The following ZFAND3 variants were observed in gnomAD, a reference collection of about 807,000 sequenced individuals.
ZFAND3 encodes AN1-type zinc finger protein 3.
In ZFAND3, 10 loss-of-function variants were observed where a neutral mutation model predicts 29.6. The ratio of observed to expected loss-of-function variants is 0.34; its 90% CI spans 0.21 to 0.57. The LOEUF (loss-of-function observed/expected upper bound fraction) is 0.57, where lower values mean the gene tolerates loss of function less well. Ranked by LOEUF, ZFAND3 falls within the 20% of genes least tolerant of loss-of-function variation. ZFAND3 has a pLI of 0.86. For missense variants in ZFAND3, 230 were observed against 304.5 expected (o/e 0.76, Z 1.82); for synonymous variants, 128 against 112.6 (o/e 1.14, Z -0.87).
At chr6:38,094,845 T>C (rs941993887) in intron 4 of ZFAND3, among the ~76,000 whole-genome samples, 1 of 152,212 alleles carries the variant, frequency 6.6e-6, no homozygotes, top group African/African-American at 2.4e-5. Context: ...GTTTCAGGTT[T>C]CAGATTTTTT....
At chr6:37,858,048 G>A (rs1764416674) in intron 1 of ZFAND3, among the ~76,000 whole-genome samples, 1 of 152,166 alleles carries the variant, frequency 6.6e-6, no homozygotes, top group Non-Finnish European at 1.5e-5. Flanking sequence ...GAATCACTTG[G>A]AAAACTGTGT....
intron 5 of ZFAND3, among the ~76,000 whole-genome samples, chr6:38,124,007 C>G (rs536021054): frequency 6.6e-6 from 1 of 152,252 alleles, no homozygotes; most frequent in Admixed American, 6.5e-5. Context: ...ATCTGGCCCC[C>G]ACCCACATCC....
chr6:38,005,908 C>G (rs1345235279), intron 2 of ZFAND3, among the ~76,000 whole-genome samples: 3 of 152,152 alleles, frequency 2.0e-5, no homozygotes, highest in Non-Finnish European at 4.4e-5. Flanking sequence ...ATTTCTTGAG[C>G]CAATAATTCT....
chr6:37,927,253 G>A (rs1761501350), intron 1 of ZFAND3, among the ~76,000 whole-genome samples: 1 of 152,210 alleles, frequency 6.6e-6, no homozygotes, highest in Non-Finnish European at 1.5e-5. Flanking sequence ...AAACTCAGAT[G>A]TTAAAACTGG....
At chr6:38,052,941 G>C (rs1303236178) in intron 2 of ZFAND3, among the ~76,000 whole-genome samples, 1 of 151,924 alleles carries the variant, frequency 6.6e-6, no homozygotes, top group Non-Finnish European at 1.5e-5. Flanking sequence ...GGCCAAAGCA[G>C]GAGAATTGCT....
chr6:37,986,105 A>T (rs920608281), intron 2 of ZFAND3, among the ~76,000 whole-genome samples: 2 of 152,172 alleles, frequency 1.3e-5, no homozygotes, highest in African/African-American at 4.8e-5. Context: ...AGTAGGGGAG[A>T]TGTCACATAA....
At chr6:37,985,527 A>ACACACACACACACACACACACC (rs753070737) in intron 2 of ZFAND3, among the ~76,000 whole-genome samples, 2 of 141,656 alleles carry the variant, frequency 1.4e-5, no homozygotes, top group East Asian at 4.0e-4. Context: ...ACACACACAC[A>ACACACACACACACACACACACC]CCCCCACACA....
At chr6:37,901,041 T>G (rs1052584126) in intron 1 of ZFAND3, among the ~76,000 whole-genome samples, 3 of 152,094 alleles carry the variant, frequency 2.0e-5, no homozygotes, top group Non-Finnish European at 4.4e-5. Flanking sequence ...TTTTTTAACA[T>G]GCAGTATGTT....
intron 5 of ZFAND3, among the ~76,000 whole-genome samples, chr6:38,137,883 G>A (rs1026579096): frequency 5.9e-5 from 9 of 152,196 alleles, no homozygotes; most frequent in Admixed American, 1.3e-4. Flanking sequence ...AGTGCGTTGC[G>A]GGAGGAGAGT....
chr6:37,853,200 A>G (rs953659844), intron 1 of ZFAND3, among the ~76,000 whole-genome samples: 1 of 152,070 alleles, frequency 6.6e-6, no homozygotes, highest in Admixed American at 6.5e-5. Flanking sequence ...TCTGTATTTA[A>G]TATCTAAATG....
chr6:38,117,436 C>A (rs1429870952), intron 5 of ZFAND3, among the ~76,000 whole-genome samples: 1 of 152,038 alleles, frequency 6.6e-6, no homozygotes, highest in Non-Finnish European at 1.5e-5. Context: ...GATGCCTACC[C>A]ACAGTGGAAT....
intron 1 of ZFAND3, among the ~76,000 whole-genome samples, chr6:37,878,643 T>C (rs755654989): frequency 2.6e-5 from 4 of 152,100 alleles, no homozygotes; most frequent in Non-Finnish European, 5.9e-5. Context: ...GCCGAGGCAG[T>C]TTGTCCTGCT....
chr6:38,093,344 A>G (rs1243859004), intron 4 of ZFAND3, among the ~76,000 whole-genome samples: 3 of 152,226 alleles, frequency 2.0e-5, no homozygotes, highest in Non-Finnish European at 4.4e-5. Flanking sequence ...GAGGGAAGAA[A>G]GATGTAACTG....
intron 2 of ZFAND3, among the ~76,000 whole-genome samples, chr6:38,031,378 CTA>C (rs1306684713): frequency 1.3e-5 from 2 of 152,214 alleles, no homozygotes; most frequent in African/African-American, 4.8e-5. Flanking sequence ...TTCAGCAGAT[CTA>C]TGTTTTATGC....
chr6:38,046,047 G>C (rs1763896940), intron 2 of ZFAND3, among the ~76,000 whole-genome samples: 1 of 152,152 alleles, frequency 6.6e-6, no homozygotes, highest in Non-Finnish European at 1.5e-5. Flanking sequence ...TAGAAGCCAA[G>C]GGCGTTATAT....
intron 2 of ZFAND3, among the ~76,000 whole-genome samples, chr6:38,028,890 A>G (rs1034219755): frequency 4.6e-5 from 7 of 152,194 alleles, no homozygotes; most frequent in African/African-American, 1.4e-4. Context: ...AGAATAGTCC[A>G]TTCCAAATCA....
intron 2 of ZFAND3, among the ~76,000 whole-genome samples, chr6:38,012,325 A>G (rs929380109): frequency 6.6e-5 from 10 of 151,604 alleles, no homozygotes; most frequent in Non-Finnish European, 1.3e-4. Context: ...TTGATATCCA[A>G]ACTATTAACA....
intron 1 of ZFAND3, among the ~76,000 whole-genome samples, chr6:37,898,061 A>G (rs1355159643): frequency 5.9e-5 from 9 of 152,086 alleles, no homozygotes; most frequent in African/African-American, 1.9e-4. Context: ...AGTGTTATCT[A>G]TCATTGTTTT....
intron 2 of ZFAND3, among the ~76,000 whole-genome samples, chr6:37,964,655 G>A (rs867230004): frequency 2.6e-5 from 4 of 152,124 alleles, no homozygotes; most frequent in East Asian, 1.9e-4. Context: ...CTTATATACC[G>A]CAGAGCAAAG....
Sources: allele counts gnomAD v4.1 joint callset (sites outside exome capture counted in the v4.1 genomes callset), GRCh38; gene constraint gnomAD v4.1.1; transcripts MANE v1.5; gene names NCBI Gene and HGNC (gene_info 2026-07-23, HGNC 2026-07-21).